The following NLGN4Y variants were observed in gnomAD, a reference collection of about 807,000 sequenced individuals.
NLGN4Y encodes the protein neuroligin-4, Y-linked.
In NLGN4Y, 4 loss-of-function variants were observed where a neutral mutation model predicts 8.4. The observed-to-expected ratio is 0.48, with a 90% CI of 0.23 to 1.09. The LOEUF is 1.09. Among genes scored for constraint, NLGN4Y ranks in the 50% least tolerant of loss-of-function variants. The pLI is 0.19. For synonymous variants in NLGN4Y, 35 were observed against 75.6 expected (o/e 0.46, Z 2.78); for missense variants, 90 against 192.3 (o/e 0.47, Z 3.15).
chrY:14,809,701 A>C, intron 4 of NLGN4Y, among the ~76,000 whole-genome samples: 1 of 31,524 alleles, frequency 3.2e-5, no homozygotes, highest in Non-Finnish European at 7.7e-5. Flanking sequence ...GCAGCCCACT[A>C]TTTTTATTGA....
intron 1 of NLGN4Y, among the ~76,000 whole-genome samples, chrY:14,570,288 G>T: frequency 3.0e-5 from 1 of 33,617 alleles, no homozygotes; most frequent in Non-Finnish European, 7.4e-5. Flanking sequence ...ATAGAGAAGC[G>T]GTCTGGTTTG....
chrY:14,714,619 AC>A (rs2080909747), intron 2 of NLGN4Y, among the ~76,000 whole-genome samples: 1 of 33,293 alleles, frequency 3.0e-5, no homozygotes, highest in Non-Finnish European at 7.4e-5. Flanking sequence ...CTTACACCTT[AC>A]ACAAAAATTA....
At chrY:14,737,810 G>C in intron 4 of NLGN4Y, among the ~76,000 whole-genome samples, 1 of 31,861 alleles carries the variant, frequency 3.1e-5, no homozygotes, top group African/African-American at 1.2e-4. Flanking sequence ...TAAAGGGAAA[G>C]AGTCCGATGA....
At chrY:14,773,030 A>G in intron 4 of NLGN4Y, among the ~76,000 whole-genome samples, 1 of 33,249 alleles carries the variant, frequency 3.0e-5, no homozygotes, top group Admixed American at 2.8e-4. Context: ...GCCCTCTCTC[A>G]AAACTCCTAT....
chrY:14,820,739 G>A (rs939772229), intron 4 of NLGN4Y, among the ~76,000 whole-genome samples: 3 of 33,292 alleles, frequency 9.0e-5, no homozygotes, highest in Non-Finnish European at 1.5e-4. Context: ...TGTCTTACAG[G>A]CGTTAGGACC....
At chrY:14,641,902 A>G (rs2080592676) in intron 2 of NLGN4Y, among the ~76,000 whole-genome samples, 1 of 33,696 alleles carries the variant, frequency 3.0e-5, no homozygotes, top group Non-Finnish European at 7.4e-5. Flanking sequence ...GAGTGTAGGG[A>G]GGAAATAGGA....
chrY:14,588,328 A>G, intron 1 of NLGN4Y, among the ~76,000 whole-genome samples: 1 of 33,543 alleles, frequency 3.0e-5, no homozygotes, highest in Non-Finnish European at 7.3e-5. Context: ...GGAAGAACAA[A>G]GGCACATCTT....
intron 4 of NLGN4Y, among the ~76,000 whole-genome samples, chrY:14,780,664 G>C: frequency 3.0e-5 from 1 of 33,146 alleles, no homozygotes; most frequent in Non-Finnish European, 7.4e-5. Flanking sequence ...TACCATGTGA[G>C]GACACAGCGA....
At chrY:14,750,476 C>A in intron 4 of NLGN4Y, among the ~76,000 whole-genome samples, 1 of 33,329 alleles carries the variant, frequency 3.0e-5, no homozygotes, top group South Asian at 6.8e-4. Flanking sequence ...TGCTGAACTG[C>A]AATATCTTTT....
intron 6 of NLGN4Y, among the ~76,000 whole-genome samples, chrY:14,832,829 G>A (rs935677186): frequency 1.2e-4 from 4 of 33,759 alleles, no homozygotes; most frequent in Admixed American, 2.7e-4. Flanking sequence ...GCAGCGGGGC[G>A]AAATTAAAAT....
In NLGN4Y at chrY:14,826,425, T is replaced by A. The variant is rs766438023; in HGVS notation, c.871+2052T>A. 5.6e-4 allele frequency among the ~76,000 whole-genome samples: 16 copies of A among 28,462 alleles called. No individual in the cohort carries two copies. The South Asian group carries it at 0.015, about 26-fold the overall frequency. 76.4% of individuals were successfully genotyped at this position (28,462 alleles called of 37,273 possible). On this transcript the variant is annotated intron_variant, in intron 5 of 6. Coordinates refer to ENST00000684976, the MANE Select transcript of NLGN4Y (RefSeq NM_001365588.1). Reference sequence around the variant, plus strand: ...CATGATCTTCACTCATGTCAACCTCTGTCTCCCAGTTTTAAAATGATTGTC... The same window carrying A: ...CATGATCTTCACTCATGTCAACCTCAGTCTCCCAGTTTTAAAATGATTGTC...
intron 2 of NLGN4Y, among the ~76,000 whole-genome samples, chrY:14,666,918 A>G (rs750778107): frequency 2.8e-3 from 92 of 32,537 alleles, no homozygotes; most frequent in Non-Finnish European, 5.0e-3. Context: ...GCCCTCCTGC[A>G]ACCACAGCAA....
intron 2 of NLGN4Y, among the ~76,000 whole-genome samples, chrY:14,656,240 G>A (rs903714411): frequency 3.3e-4 from 11 of 32,983 alleles, no homozygotes; most frequent in Non-Finnish European, 6.7e-4. Context: ...CTGTCATGGA[G>A]TGGTAGAAAC....
chrY:14,574,731 G>T (rs2080290307), intron 1 of NLGN4Y, among the ~76,000 whole-genome samples: 1 of 33,524 alleles, frequency 3.0e-5, no homozygotes, highest in Non-Finnish European at 7.3e-5. Context: ...GCTGGTACCA[G>T]TTGTTCCTTT....
At chrY:14,740,126 C>A in intron 4 of NLGN4Y, among the ~76,000 whole-genome samples, 7 of 32,878 alleles carry the variant, frequency 2.1e-4, no homozygotes, top group African/African-American at 7.1e-4. Flanking sequence ...TAATGAGGTT[C>A]TTTTTCAGAA....
chrY:14,607,650 G>T, intron 1 of NLGN4Y, among the ~76,000 whole-genome samples: 1 of 33,973 alleles, frequency 2.9e-5, no homozygotes, highest in African/African-American at 1.1e-4. Context: ...TTGGTTCCAT[G>T]ACTTTGCTAT....
chrY:14,838,987 A>G (rs2043206257), intron 6 of NLGN4Y, among the ~76,000 whole-genome samples: 2 of 33,316 alleles, frequency 6.0e-5, no homozygotes, highest in Non-Finnish European at 1.5e-4. Flanking sequence ...CCTGCACAAT[A>G]TCTGACAATG....
At chrY:14,551,301 C>A in intron 1 of NLGN4Y, among the ~76,000 whole-genome samples, 1 of 32,941 alleles carries the variant, frequency 3.0e-5, no homozygotes, top group Admixed American at 2.8e-4. Flanking sequence ...AGTTCTTACA[C>A]CTACAAAGAG....
chrY:14,711,768 A>C, intron 2 of NLGN4Y, among the ~76,000 whole-genome samples: 1 of 32,117 alleles, frequency 3.1e-5, no homozygotes, highest in Admixed American at 2.9e-4. Flanking sequence ...ACTTTACTGA[A>C]AGCTCCATAA....
Sources: gnomAD v4.1 joint callset for allele counts (sites outside exome capture counted in the v4.1 genomes callset) on GRCh38, gnomAD v4.1.1 for gene constraint, MANE v1.5 for transcripts, NCBI Gene and HGNC (gene_info 2026-07-23, HGNC 2026-07-21) for gene names.